The following CTNNA2 variants were observed in gnomAD, a reference collection of about 807,000 sequenced individuals.
CTNNA2 encodes catenin alpha 2, also known as catenin alpha-2.
CTNNA2 carries 42 observed loss-of-function variants against 101.0 expected under a neutral mutation model. The ratio of observed to expected loss-of-function variants is 0.42; its 90% CI spans 0.32 to 0.54. The LOEUF is 0.54. CTNNA2 is among the 20% of genes least tolerant of loss of function. The probability of loss-of-function intolerance (pLI) is 0.14; values close to 1 mark genes in which losing one functional copy is unlikely to be tolerated. For missense variants in CTNNA2, 871 were observed against 1,223.1 expected (o/e 0.71, Z 4.29); for synonymous variants, 450 against 456.4 (o/e 0.99, Z 0.18).
At chr2:79,964,161 C>T (rs1214855663) in intron 7 of CTNNA2, among the ~76,000 whole-genome samples, 4 of 152,180 alleles carry the variant, frequency 2.6e-5, no homozygotes, top group Non-Finnish European at 4.4e-5. Context: ...CCTCTATCTT[C>T]TGTTATTGTC....
chr2:80,584,216 C>T (rs1695778887), intron 14 of CTNNA2, among the ~76,000 whole-genome samples: 1 of 151,950 alleles, frequency 6.6e-6, no homozygotes, highest in African/African-American at 2.4e-5. Flanking sequence ...GCAAGTCCTC[C>T]CATGTTAATG....
chr2:79,725,886 T>C (rs1328548437), intron 2 of CTNNA2, among the ~76,000 whole-genome samples: 3 of 152,206 alleles, frequency 2.0e-5, no homozygotes, highest in Non-Finnish European at 2.9e-5. Flanking sequence ...AGTGAGTGAA[T>C]GATGAGAGTC....
intron 7 of CTNNA2, among the ~76,000 whole-genome samples, chr2:80,159,521 T>C (rs1268849051): frequency 6.6e-6 from 1 of 152,230 alleles, no homozygotes; most frequent in Non-Finnish European, 1.5e-5. Context: ...ATATATTTTC[T>C]TGTGCTAACC....
intron 12 of CTNNA2, among the ~76,000 whole-genome samples, chr2:80,566,576 A>G (rs1030090407): frequency 6.6e-6 from 1 of 152,194 alleles, no homozygotes; most frequent in African/African-American, 2.4e-5. Context: ...TAATAGCCCT[A>G]TTACCTTGTG....
chr2:80,363,004 CAAAAA>C (rs35779761), intron 7 of CTNNA2, among the ~76,000 whole-genome samples: 4 of 114,450 alleles, frequency 3.5e-5, no homozygotes, highest in Admixed American at 9.2e-5. Flanking sequence ...GACATCGTCT[CAAAAA>C]AAAAAAAAAA....
chr2:80,439,322 G>C (rs977226641), intron 9 of CTNNA2, among the ~76,000 whole-genome samples: 1 of 152,150 alleles, frequency 6.6e-6, no homozygotes, highest in South Asian at 2.1e-4. Flanking sequence ...AAAGTTGGCG[G>C]TTATATGAAT....
intron 4 of CTNNA2, among the ~76,000 whole-genome samples, chr2:79,457,933 C>T (rs1287109901): frequency 6.6e-6 from 1 of 152,304 alleles, no homozygotes; most frequent in Middle Eastern, 3.4e-3. Flanking sequence ...TTCTCTCTAG[C>T]CACTGCTGGC....
intron 15 of CTNNA2, among the ~76,000 whole-genome samples, chr2:80,600,483 A>G (rs1048634159): frequency 1.3e-5 from 2 of 152,140 alleles, no homozygotes; most frequent in Non-Finnish European, 2.9e-5. Context: ...ATATCTGAAG[A>G]GCTTAGATAA....
At chr2:80,647,181 C>A (rs900377203) in intron 18 of CTNNA2, among the ~76,000 whole-genome samples, 4 of 152,052 alleles carry the variant, frequency 2.6e-5, no homozygotes, top group South Asian at 4.1e-4. Context: ...TCCTCACCAA[C>A]CCTGAGCTCA....
At chr2:79,743,655 T>G (rs773756471) in intron 2 of CTNNA2, among the ~76,000 whole-genome samples, 2 of 151,716 alleles carry the variant, frequency 1.3e-5, no homozygotes, top group Non-Finnish European at 2.9e-5. Flanking sequence ...TGCCTCAGCC[T>G]CCCAAGTAGC....
At chr2:80,167,320 A>G (rs986575568) in intron 7 of CTNNA2, among the ~76,000 whole-genome samples, 3 of 152,252 alleles carry the variant, frequency 2.0e-5, no homozygotes, top group South Asian at 4.1e-4. Context: ...AGGAATCATT[A>G]TAATTGAAAT....
intron 7 of CTNNA2, among the ~76,000 whole-genome samples, chr2:80,035,074 A>G (rs1421545441): frequency 6.6e-6 from 1 of 152,238 alleles, no homozygotes; most frequent in Non-Finnish European, 1.5e-5. Context: ...GTCCATCCAT[A>G]CAAATGAACA....
intron 2 of CTNNA2, among the ~76,000 whole-genome samples, chr2:79,214,244 G>C (rs574550103): frequency 9.2e-5 from 14 of 152,192 alleles, no homozygotes; most frequent in Non-Finnish European, 2.1e-4. Context: ...AATTTGCTGA[G>C]CCTGATGGGT....
rs1420881168 is a variant in CTNNA2, at chr2:79,651,411, A to T, written c.-5-141A>T. 6.7e-6 allele frequency: 5 copies of T among 742,426 alleles called. No individual in the cohort carries two copies. In the African/African-American group the frequency reaches 7.1e-5, roughly 10 times the overall value. 46.0% of individuals were successfully genotyped at this position (742,426 alleles called of 1,614,324 possible). The stretch of plus-strand genomic sequence containing the variant: ...CACAGTGTACTGGTCTGGTTTTTCC[A>T]TCTCTAATTTGACCAGGTTGGACCA... On this transcript the variant is annotated intron_variant, in intron 1 of 18. Transcript: ENST00000402739.
chr2:79,896,237 C>T (rs182370561), intron 6 of CTNNA2, among the ~76,000 whole-genome samples: 32 of 151,746 alleles, frequency 2.1e-4, no homozygotes, highest in Non-Finnish European at 2.6e-4. Flanking sequence ...GAGCCAAAAT[C>T]GTGCCACTGT....
At chr2:79,852,264 A>G (rs755423157) in intron 3 of CTNNA2, among the ~76,000 whole-genome samples, 1 of 152,204 alleles carries the variant, frequency 6.6e-6, no homozygotes, top group Non-Finnish European at 1.5e-5. Context: ...GGTTATTAAG[A>G]TGTGAATGCT....
chr2:79,727,002 A>G lies in CTNNA2; in HGVS notation c.103-17385A>G, dbSNP rs115714392. ...TCACAAACAGCAAATGAAAACCGGA[A>G]GTGACTACATGTTGCTTAATTAGTC... On this transcript the variant is annotated intron_variant, in intron 2 of 18. Transcript: ENST00000402739. 1.1e-3 allele frequency among the ~76,000 whole-genome samples: 160 copies of G among 152,366 alleles called. 6 individuals are homozygous for G. The South Asian group carries it at 0.032, about 30-fold the overall frequency.
At chr2:79,414,169 C>A (rs1678450885) in intron 4 of CTNNA2, among the ~76,000 whole-genome samples, 1 of 151,770 alleles carries the variant, frequency 6.6e-6, no homozygotes, top group South Asian at 2.1e-4. Flanking sequence ...AAAAGCTACT[C>A]CCTTTCTCAT....
intron 7 of CTNNA2, among the ~76,000 whole-genome samples, chr2:80,084,188 G>A (rs189161460): frequency 2.2e-4 from 33 of 152,210 alleles, no homozygotes; most frequent in Admixed American, 5.2e-4. Context: ...GGAGTGACAG[G>A]AACTATTGAG....
Sources: gnomAD v4.1 joint callset for allele counts (sites outside exome capture counted in the v4.1 genomes callset) on GRCh38, gnomAD v4.1.1 for gene constraint, MANE v1.5 for transcripts, NCBI Gene and HGNC (gene_info 2026-07-23, HGNC 2026-07-21) for gene names.